The following SHANK1 variants were observed in gnomAD, a reference collection of about 807,000 sequenced individuals.
The protein encoded by SHANK1 is SH3 and multiple ankyrin repeat domains protein 1.
Under a neutral mutation model 165.6 loss-of-function variants are expected in SHANK1, and 35 were observed. The observed-to-expected ratio is 0.21, with a 90% CI of 0.16 to 0.28. SHANK1 has a LOEUF of 0.28. SHANK1 is among the 10% of genes least tolerant of loss of function. The probability of loss-of-function intolerance (pLI) is 1.00; values close to 1 mark genes in which losing one functional copy is unlikely to be tolerated. For missense variants in SHANK1, 2,681 were observed against 3,036.4 expected (o/e 0.88, Z 2.75); for synonymous variants, 1,428 against 1,384.8 (o/e 1.03, Z -0.69).
intron 1 of SHANK1, among the ~76,000 whole-genome samples, chr19:50,719,042 G>A (rs1324830699): frequency 6.6e-6 from 1 of 151,558 alleles, no homozygotes; most frequent in African/African-American, 2.4e-5. Context: ...CCTGGCGGAG[G>A]GGCCCAGGTA....
chr19:50,667,601 G>A lies in SHANK1; in HGVS notation c.4359C>T (p.Pro1453=), dbSNP rs1012197713. ...SLLHRLPPTA[P]GVGPLLLQLG... The stretch of plus-strand genomic sequence containing the variant: ...GCTGCAGCAGGAGGGGCCCCACCCC[G>A]GGAGCGGTGGGCGGCAGGCGGTGTA... Residue 1453 remains proline (P), a synonymous_variant, in exon 23 of 24, where the codon CCC becomes CCT. Coordinates refer to ENST00000293441, the MANE Select transcript of SHANK1 (RefSeq NM_016148.5). The surrounding 1 kb of genome is among the most constrained non-coding windows in gnomAD (Gnocchi z 5.7). 48 of 1,437,522 alleles carry A rather than the reference G, an allele frequency of 3.3e-5. No homozygotes were observed. Among genetic ancestry groups the A allele is most frequent in the Non-Finnish European group, 4.3e-5 (48 of 1,107,526 alleles). The allele number at this position is 1,437,522 out of a possible 1,614,324, so 89.0% of individuals were successfully genotyped here.
intron 4 of SHANK1, 139 bp downstream of exon 4, chr19:50,715,520 G>T: frequency 1.3e-6 from 1 of 745,906 alleles, no homozygotes; most frequent in Non-Finnish European, 2.4e-6. Context: ...CCCAAGTTAA[G>T]CGGGGGCAGT....
chr19:50,698,935 C>G (rs748337186), intron 12 of SHANK1, among the ~76,000 whole-genome samples: 13 of 152,248 alleles, frequency 8.5e-5, no homozygotes, highest in Non-Finnish European at 1.9e-4. Flanking sequence ...AGTTTCCTTC[C>G]TCGTTCAACC....
In SHANK1 at chr19:50,668,772, G is replaced by A; in HGVS notation, c.3188C>T (p.Ser1063Phe). 1 of 1,273,152 alleles carries A rather than the reference G, an allele frequency of 7.9e-7. No individual in the cohort carries two copies. Among genetic ancestry groups the A allele is most frequent in the Non-Finnish European group, 9.8e-7 (1 of 1,015,744 alleles). 78.9% of individuals were successfully genotyped at this position (1,273,152 alleles called of 1,614,324 possible). A position where few individuals can be genotyped will look rare whatever the true frequency, so the allele number is the denominator to read the frequency against. Residue 1063 changes from serine (S) to phenylalanine (F), a missense_variant, in exon 23 of 24, where the codon TCC (serine) becomes TTC (phenylalanine). Transcript: ENST00000293441. ...GCCCGCGCTGCCGTGGTGCGATGGG[G>A]ACGGGGCCCCCGGGGTCGGGCTGGG... ...GGPSPTPGAP[S>F]PSHHGSAGGG...
At chr19:50,680,881 C>A (rs112536411) in intron 21 of SHANK1, among the ~76,000 whole-genome samples, 1,655 of 152,284 alleles carry the variant, frequency 0.011, 27 homozygotes, top group African/African-American at 0.037. Flanking sequence ...GTCTCAAACT[C>A]CTGACCTCAG....
At position 50,717,832 on chromosome 19, in the gene SHANK1, T is replaced by A. The variant is rs1461965207; in HGVS notation, c.-43-870A>T. Among the ~76,000 whole-genome samples, 1 of 151,968 alleles carries A rather than the reference T, an allele frequency of 6.6e-6. No homozygotes were observed. Among genetic ancestry groups the A allele is most frequent in the South Asian group, 2.1e-4 (1 of 4,818 alleles). The stretch of plus-strand genomic sequence containing the variant: ...TTGCTGGGTACTAGGGGCTCCACTC[T>A]GAGGACTGGGGGTGTTAGGAGGGAG... On this transcript the variant is annotated intron_variant, in intron 1 of 23. Transcript: ENST00000293441. This position sits in a 1 kb window ranked among gnomAD's most constrained non-coding sequence, Gnocchi z 5.5.
chr19:50,677,925 C>T (rs959151202), intron 21 of SHANK1, among the ~76,000 whole-genome samples: 1 of 152,188 alleles, frequency 6.6e-6, no homozygotes, highest in African/African-American at 2.4e-5. Flanking sequence ...AGCCACAGAC[C>T]AATACTCTGC....
In SHANK1 at chr19:50,670,208, AG is replaced by A. The variant is rs1183820187; in HGVS notation, c.2675-924del. 6.6e-6 allele frequency among the ~76,000 whole-genome samples: 1 copy of A among 152,244 alleles called. No individual in the cohort carries two copies. The highest frequency in any genetic ancestry group is 1.9e-4 in the East Asian group (1 of 5,184). On this transcript the variant is annotated intron_variant, in intron 22 of 23. Transcript: ENST00000293441. The surrounding 1 kb of genome is among the most constrained non-coding windows in gnomAD (Gnocchi z 4.1). ...GCCCACGGTCCCTCCCCACCACCGCAGCAAACAGCAGCTCTGTCCTTTCAGG... is the reference window on the plus strand; with the variant it reads ...GCCCACGGTCCCTCCCCACCACCGCACAAACAGCAGCTCTGTCCTTTCAGG...
intron 8 of SHANK1, among the ~76,000 whole-genome samples, chr19:50,708,045 T>G (rs536158010): frequency 1.3e-5 from 2 of 152,008 alleles, no homozygotes; most frequent in South Asian, 4.2e-4. Flanking sequence ...CTTCCTGAGT[T>G]CAGGCAATTC....
At position 50,716,317 on chromosome 19, in the gene SHANK1, C is replaced by T. The variant is rs2089069279; in HGVS notation, c.417G>A (p.Arg139=). Residue 139 remains arginine (R), a synonymous_variant, in exon 3 of 24, where the codon CGG becomes CGA. Coordinates refer to ENST00000293441, the MANE Select transcript of SHANK1 (RefSeq NM_016148.5). This position sits in a 1 kb window ranked among gnomAD's most constrained non-coding sequence, Gnocchi z 8.4. ...ANFLEEERLL[R]EYPQSFEKGV... ...CCTTCTCAAAGGACTGGGGGTACTC[C>T]CGCAGCAGCCTCTCCTCCTCCAGGA... is the stretch of plus-strand genomic sequence containing the variant. 6.2e-7 allele frequency: 1 copy of T among 1,614,176 alleles called. No homozygotes were observed. The highest frequency in any genetic ancestry group is 1.3e-5 in the African/African-American group (1 of 75,066).
chr19:50,693,560 G>A (rs1322107370), intron 15 of SHANK1, among the ~76,000 whole-genome samples: 1 of 150,956 alleles, frequency 6.6e-6, no homozygotes, highest in Non-Finnish European at 1.5e-5. Context: ...GCACTGCAGC[G>A]GCCTGCACTC....
chr19:50,689,301 T>TGG, intron 15 of SHANK1, 22 bp from the exon 16 acceptor site: 2 of 756,184 alleles, frequency 2.6e-6, no homozygotes, highest in African/African-American at 2.6e-5. Flanking sequence ...GCAGGAGAAA[T>TGG]GGGGGGGTGG....
At position 50,660,128 on chromosome 19, in the gene SHANK1, A is replaced by T. The variant is rs893456493; in HGVS notation, c.*1837T>A. On this transcript the variant is annotated 3_prime_UTR_variant, in exon 24 of 24. Transcript: ENST00000293441. ...TTTGGCAGCTGAACATGGGGGGGGG[A>T]CCTGAGGGCAACGCCCTCCCCCCTT... is the stretch of plus-strand genomic sequence containing the variant. Among the ~76,000 whole-genome samples the T allele has an allele frequency of 1.6e-5, 2 of 125,556 alleles. No individual in the cohort carries two copies. The highest frequency in any genetic ancestry group is 1.5e-4 in the Admixed American group (2 of 13,418). 82.4% of individuals were successfully genotyped at this position (125,556 alleles called of 152,430 possible).
chr19:50,719,730 C>T lies in SHANK1; in HGVS notation c.-368G>A, dbSNP rs1250926123. ...GCCTGCTCTTCCTCCTCCTCTTCCT[C>T]GGGCCGCCGCCGCCGCCGCCCGCTC... On this transcript the variant is annotated 5_prime_UTR_variant, in exon 1 of 24. Transcript: ENST00000293441. 2.7e-5 allele frequency among the ~76,000 whole-genome samples: 4 copies of T among 150,720 alleles called. No individual in the cohort carries two copies. Among genetic ancestry groups the T allele is most frequent in the Non-Finnish European group, 5.9e-5 (4 of 67,308 alleles).
chr19:50,693,564 T>C (rs1197058165), intron 15 of SHANK1, among the ~76,000 whole-genome samples: 1 of 150,644 alleles, frequency 6.6e-6, no homozygotes, highest in Non-Finnish European at 1.5e-5. Flanking sequence ...TGCAGCGGCC[T>C]GCACTCCCCT....
chr19:50,703,545 C>A lies in SHANK1; in HGVS notation c.1508G>T (p.Gly503Val). The A allele has an allele frequency of 6.4e-7, 1 of 1,551,870 alleles. No homozygotes were observed. ...CCTCTTGGCGTCCTCAGGGTGCCTC[C>A]CTCGGGATGGAGAGCGGGCCCTGGC... is the stretch of plus-strand genomic sequence containing the variant. ...RGARARSPSR[G>V]RHPEDAKRQP... The change falls in exon 11 of 24, where the codon GGG (glycine) becomes GTG (valine). Residue 503 changes from glycine to valine, a missense_variant. By Grantham distance (109) the Gly-to-Val change is moderately radical (BLOSUM62 -3). Coordinates refer to ENST00000293441, the MANE Select transcript of SHANK1 (RefSeq NM_016148.5).
chr19:50,702,646 G>T lies in SHANK1; in HGVS notation c.1568C>A (p.Pro523His). 4.4e-6 allele frequency: 7 copies of T among 1,573,228 alleles called. No homozygotes were observed. The highest frequency in any genetic ancestry group is 6.0e-6 in the Non-Finnish European group (7 of 1,161,106). The change falls in exon 12 of 24, where the codon CCC becomes CAC. Residue 523 changes from proline (P) to histidine (H), a missense_variant. Coordinates refer to ENST00000293441, the MANE Select transcript of SHANK1 (RefSeq NM_016148.5). The surrounding 1 kb of genome is among the most constrained non-coding windows in gnomAD (Gnocchi z 5.3). ...PRGRPSSSGTPREGPAGGTGG... is the reference protein window; with the variant it reads ...PRGRPSSSGTHREGPAGGTGG... Reference sequence around the variant, plus strand: ...CGTGCCCCCGGCTGGCCCTTCCCGGGGTGTCCCGCTGGAGCTGCGTACACA... The same window carrying T: ...CGTGCCCCCGGCTGGCCCTTCCCGGTGTGTCCCGCTGGAGCTGCGTACACA...
chr19:50,709,175 AT>A (rs1384364711), intron 8 of SHANK1, among the ~76,000 whole-genome samples: 2 of 152,182 alleles, frequency 1.3e-5, no homozygotes, highest in Non-Finnish European at 2.9e-5. Context: ...GTCTCGCTCT[AT>A]CACCCAGGCT....
In SHANK1 at chr19:50,666,552, C is replaced by G; in HGVS notation, c.5408G>C (p.Cys1803Ser). The change falls in exon 23 of 24, where the codon TGT becomes TCT. Residue 1803 changes from cysteine to serine, a missense_variant. Coordinates refer to ENST00000293441, the MANE Select transcript of SHANK1 (RefSeq NM_016148.5). ...CACGCCTGCCGTGGGGGGTCCTGAA[C>G]AAGCACGCAGGGCCAGCAGCCCATC... ...GTDGLLALRA[C>S]SGPPTAGVAG... 1 of 1,598,066 alleles carries G rather than the reference C, an allele frequency of 6.3e-7. No homozygotes were observed. Among genetic ancestry groups the G allele is most frequent in the East Asian group, 2.3e-5 (1 of 44,398 alleles).
Sources: allele counts gnomAD v4.1 joint callset (sites outside exome capture counted in the v4.1 genomes callset), GRCh38; gene constraint gnomAD v4.1.1; non-coding constraint Gnocchi (gnomAD v3.1); transcripts MANE v1.5; gene names NCBI Gene and HGNC (gene_info 2026-07-23, HGNC 2026-07-21).